Variants in ZNF430 observed in about 807,000 individuals in gnomAD.
The protein encoded by ZNF430 is zinc finger protein 430.
Under a neutral mutation model 56.7 loss-of-function variants are expected in ZNF430, and 35 were observed. The ratio of observed to expected loss-of-function variants is 0.62; its 90% CI spans 0.47 to 0.82. The LOEUF is 0.82. Among genes scored for constraint, ZNF430 ranks in the 40% least tolerant of loss-of-function variants. ZNF430 has a pLI of 0.00. For synonymous variants in ZNF430, 212 were observed against 224.3 expected, an observed-to-expected ratio of 0.94 and a Z score of 0.49; for missense variants, 574 against 661.0, an observed-to-expected ratio of 0.87 and a Z score of 1.44.
chr19:21,054,672 T>TTTC (rs1968340764), intron 4 of ZNF430, among the ~76,000 whole-genome samples: 1 of 46,352 alleles, frequency 2.2e-5, no homozygotes, highest in Non-Finnish European at 7.5e-5. Flanking sequence ...TTTACGTCTT[T>TTTC]TTTTTTTTTT....
chr19:21,047,295 CA>C (rs1053356823), intron 4 of ZNF430, among the ~76,000 whole-genome samples: 5 of 152,162 alleles, frequency 3.3e-5, no homozygotes, highest in African/African-American at 1.2e-4. Context: ...ATTAGCTCAG[CA>C]AAGTTCATCA....
intron 4 of ZNF430, among the ~76,000 whole-genome samples, chr19:21,054,013 C>T (rs1358704295): frequency 6.6e-6 from 1 of 152,080 alleles, no homozygotes; most frequent in South Asian, 2.1e-4. Flanking sequence ...AAGAAAAAAA[C>T]TTCAGTTACA....
chr19:21,055,196 A>AT (rs1254358565), intron 4 of ZNF430, among the ~76,000 whole-genome samples: 2 of 151,766 alleles, frequency 1.3e-5, no homozygotes, highest in Non-Finnish European at 2.9e-5. Flanking sequence ...AAACTTTTAT[A>AT]TTTTTGATAA....
intron 4 of ZNF430, among the ~76,000 whole-genome samples, chr19:21,050,927 C>A (rs1347873175): frequency 1.3e-5 from 2 of 152,078 alleles, no homozygotes; most frequent in Admixed American, 1.3e-4. Flanking sequence ...ACTCGGGAGG[C>A]TGAGGCAGGA....
Position 21,053,188 on chromosome 19 carries a change from G to A in ZNF430, c.323-3443G>A, listed in dbSNP as rs188620132. ...AAACTAACCTAAATTTTTTGGTGGG[G>A]TGGAGGGGGTGTGGTTGCGGGGACC... is the stretch of plus-strand genomic sequence containing the variant. On this transcript the variant is annotated intron_variant, in intron 4 of 4. Transcript: ENST00000261560. Among the ~76,000 whole-genome samples, 474 of 152,158 alleles carry A rather than the reference G, an allele frequency of 3.1e-3. 1 individual carries two copies. The highest frequency in any genetic ancestry group is 5.1e-3 in the Non-Finnish European group (344 of 67,984).
intron 2 of ZNF430, among the ~76,000 whole-genome samples, chr19:21,025,320 C>G (rs1271074881): frequency 6.6e-6 from 1 of 152,184 alleles, no homozygotes; most frequent in African/African-American, 2.4e-5. Context: ...TGTAAACTGT[C>G]ATGGCACTGG....
chr19:21,047,664 G>T (rs1968204366), intron 4 of ZNF430, among the ~76,000 whole-genome samples: 1 of 152,226 alleles, frequency 6.6e-6, no homozygotes, highest in Non-Finnish European at 1.5e-5. Context: ...ACCTGGAGGT[G>T]TCAACCAGTG....
chr19:21,059,682 A>T lies in ZNF430; in HGVS notation c.*1661A>T, dbSNP rs1033781858. 5 of 152,138 alleles carry T rather than the reference A, an allele frequency of 3.3e-5. No individual in the cohort carries two copies. The highest frequency in any genetic ancestry group is 2.6e-4 in the Admixed American group (4 of 15,264). The allele number at this position is 152,138 out of a possible 1,614,324, so 9.4% of individuals were successfully genotyped here. A position where few individuals can be genotyped will look rare whatever the true frequency, so the allele number is the denominator to read the frequency against. ...CTTGAAAAAATTACAGATTTTTTGT[A>T]AATAATGATGTAATTCAACTCTCAA... On this transcript the variant is annotated 3_prime_UTR_variant, in exon 5 of 5. Coordinates refer to ENST00000261560, the MANE Select transcript of ZNF430 (RefSeq NM_025189.4).
intron 4 of ZNF430, among the ~76,000 whole-genome samples, chr19:21,037,262 G>A (rs1285816977): frequency 6.6e-6 from 1 of 151,938 alleles, no homozygotes; most frequent in African/African-American, 2.4e-5. Flanking sequence ...CTACAGGCAT[G>A]TGCCACCATG....
Position 21,042,001 on chromosome 19 carries a change from C to T in ZNF430, c.322+7817C>T, listed in dbSNP as rs534854094. On this transcript the variant is annotated intron_variant, in intron 4 of 4. Coordinates refer to ENST00000261560, the MANE Select transcript of ZNF430 (RefSeq NM_025189.4). Reference sequence around the variant, plus strand: ...TGCTGAAATTGCAGGCATGAGCCACCGTGCCCAGCCCATGTGTTCTTATTG... The same window carrying T: ...TGCTGAAATTGCAGGCATGAGCCACTGTGCCCAGCCCATGTGTTCTTATTG... 7.2e-5 allele frequency among the ~76,000 whole-genome samples: 11 copies of T among 152,260 alleles called. 1 individual carries two copies. Among genetic ancestry groups the T allele is most frequent in the South Asian group, 4.1e-4 (2 of 4,824 alleles).
At chr19:21,041,959 A>C (rs1256885028) in intron 4 of ZNF430, among the ~76,000 whole-genome samples, 14 of 151,954 alleles carry the variant, frequency 9.2e-5, no homozygotes, top group Non-Finnish European at 8.8e-5. Flanking sequence ...TGATCTGCCC[A>C]CCTCAGCCTC....
At chr19:21,042,544 T>C (rs1405797965) in intron 4 of ZNF430, among the ~76,000 whole-genome samples, 1 of 152,140 alleles carries the variant, frequency 6.6e-6, no homozygotes, top group Non-Finnish European at 1.5e-5. Context: ...TCCCAGCACT[T>C]TGGGGGTGCC....
chr19:21,028,023 C>T (rs370069392), intron 2 of ZNF430, among the ~76,000 whole-genome samples: 1 of 152,168 alleles, frequency 6.6e-6, no homozygotes, highest in African/African-American at 2.4e-5. Flanking sequence ...TGATTGTACT[C>T]CACTTGCTGT....
rs1224123558 is a variant in ZNF430 at position 21,059,444 on chromosome 19, G to C, written c.*1423G>C. On this transcript the variant is annotated 3_prime_UTR_variant, in exon 5 of 5. Transcript: ENST00000261560. Reference sequence around the variant, plus strand: ...TGTAATCACAGCTACTCGAGAGGCTGAGGCAGGAGAATTGCTTGAACCCGG... The same window carrying C: ...TGTAATCACAGCTACTCGAGAGGCTCAGGCAGGAGAATTGCTTGAACCCGG... The C allele has an allele frequency of 6.6e-6, 1 of 151,668 alleles. No homozygotes were observed. The highest frequency in any genetic ancestry group is 1.5e-5 in the Non-Finnish European group (1 of 68,024). The allele number at this position is 151,668 out of a possible 1,614,324, so 9.4% of individuals were successfully genotyped here.
intron 2 of ZNF430, among the ~76,000 whole-genome samples, chr19:21,027,196 T>G (rs1406491485): frequency 6.6e-6 from 1 of 152,086 alleles, no homozygotes; most frequent in Middle Eastern, 3.2e-3. Context: ...TTGAATAGGA[T>G]GTTTGAGAGA....
Position 21,057,989 on chromosome 19 carries a change from A to G in ZNF430, c.1681A>G (p.Asn561Asp). 6.2e-7 allele frequency: 1 copy of G among 1,612,930 alleles called. No individual in the cohort carries two copies. Reference protein sequence around the residue: ...NQSSNLIEQSNSYWRETLQM With the variant: ...NQSSNLIEQSDSYWRETLQM ...GTCCTCAAACCTTATTGAACAAAGT[A>G]ATTCATACTGGAGAGAAACCCTACA... The change falls in exon 5 of 5, where the codon AAT (asparagine) becomes GAT (aspartate). Residue 561 changes from asparagine to aspartate, a missense_variant. Physicochemically the swap from Asn to Asp is conservative, Grantham distance 23. Transcript: ENST00000261560.
chr19:21,052,322 G>A (rs1439135931), intron 4 of ZNF430, among the ~76,000 whole-genome samples: 2 of 151,864 alleles, frequency 1.3e-5, no homozygotes, highest in African/African-American at 2.4e-5. Flanking sequence ...CTATACCTCT[G>A]TTAGAAATAG....
At chr19:21,045,473 G>A (rs1968172245) in intron 4 of ZNF430, among the ~76,000 whole-genome samples, 2 of 152,158 alleles carry the variant, frequency 1.3e-5, no homozygotes, top group Admixed American at 6.6e-5. Flanking sequence ...ATTTGCTAAG[G>A]AGTATTCCTT....
At chr19:21,026,562 C>G (rs1052574688) in intron 2 of ZNF430, among the ~76,000 whole-genome samples, 5 of 152,092 alleles carry the variant, frequency 3.3e-5, no homozygotes, top group African/African-American at 1.2e-4. Context: ...AGCTGTATTC[C>G]TAGATATTCT....
Sources: gnomAD v4.1 joint callset for allele counts (sites outside exome capture counted in the v4.1 genomes callset) on GRCh38, gnomAD v4.1.1 for gene constraint, MANE v1.5 for transcripts, NCBI Gene and HGNC (gene_info 2026-07-23, HGNC 2026-07-21) for gene names.